Variants in HDAC9 observed in about 807,000 individuals in gnomAD.
HDAC9 encodes the protein MEF-2 interacting transcription repressor (MITR) protein.
HDAC9 carries 41 observed loss-of-function variants against 139.4 expected under a neutral mutation model. That is an observed-to-expected ratio of 0.29 (90% CI 0.23 to 0.38). The LOEUF is 0.38. Among genes scored for constraint, HDAC9 ranks in the 10% least tolerant of loss-of-function variants. The pLI, the probability that HDAC9 is intolerant of heterozygous loss-of-function variation, is 1.00. For missense variants in HDAC9, 1,147 were observed against 1,297.0 expected (o/e 0.88, Z 1.78); for synonymous variants, 517 against 476.2 (o/e 1.09, Z -1.12).
chr7:18,435,390 T>G (rs979615427), intron 1 of HDAC9, among the ~76,000 whole-genome samples: 2 of 152,094 alleles, frequency 1.3e-5, no homozygotes, highest in African/African-American at 4.8e-5. Context: ...CCTGCACATG[T>G]ACCCCGGAAC....
At chr7:18,523,927 A>G (rs1200106517) in intron 2 of HDAC9, among the ~76,000 whole-genome samples, 1 of 95,464 alleles carries the variant, frequency 1.0e-5, no homozygotes, top group South Asian at 3.8e-4. Flanking sequence ...CCTGCTTCCC[A>G]TTGCTTGTCT....
intron 12 of HDAC9, among the ~76,000 whole-genome samples, chr7:18,683,569 C>G (rs1345002675): frequency 6.6e-6 from 1 of 152,106 alleles, no homozygotes; most frequent in Non-Finnish European, 1.5e-5. Context: ...CTGTTATCCA[C>G]TGGGTTACTT....
At chr7:18,262,569 T>C (rs1311534325) in intron 2 of HDAC9, among the ~76,000 whole-genome samples, 1 of 152,166 alleles carries the variant, frequency 6.6e-6, no homozygotes, top group East Asian at 1.9e-4. Context: ...GGTAACTGCA[T>C]AGGTAAATAT....
chr7:18,584,539 T>A (rs998357796), intron 2 of HDAC9, among the ~76,000 whole-genome samples: 1 of 152,250 alleles, frequency 6.6e-6, no homozygotes, highest in African/African-American at 2.4e-5. Flanking sequence ...TCTCAGATCA[T>A]CAAATCTTTT....
intron 2 of HDAC9, among the ~76,000 whole-genome samples, chr7:18,247,810 G>C (rs1794652711): frequency 6.6e-6 from 1 of 152,078 alleles, no homozygotes. Context: ...GATAAGGAGA[G>C]AAAAGAAACA....
intron 1 of HDAC9, among the ~76,000 whole-genome samples, chr7:18,108,562 G>C (rs988149154): frequency 6.7e-6 from 1 of 148,858 alleles, no homozygotes; most frequent in African/African-American, 2.5e-5. Context: ...AAATGAGATC[G>C]TATTCCTGAA....
intron 21 of HDAC9, among the ~76,000 whole-genome samples, chr7:18,859,043 A>G (rs1797896666): frequency 6.6e-6 from 1 of 152,196 alleles, no homozygotes; most frequent in South Asian, 2.1e-4. Flanking sequence ...ATTCAGACAG[A>G]TATGAGTTTG....
intron 21 of HDAC9, among the ~76,000 whole-genome samples, chr7:18,837,990 G>T (rs532695633): frequency 6.6e-6 from 1 of 152,112 alleles, no homozygotes; most frequent in South Asian, 2.1e-4. Flanking sequence ...GCATTATCTA[G>T]CTAGGATGCA....
chr7:18,583,771 G>A (rs1828565379), intron 2 of HDAC9, among the ~76,000 whole-genome samples: 1 of 152,018 alleles, frequency 6.6e-6, no homozygotes, highest in Non-Finnish European at 1.5e-5. Flanking sequence ...AAATCTTTCA[G>A]TTTAATTTTC....
intron 13 of HDAC9, among the ~76,000 whole-genome samples, chr7:18,734,234 A>G (rs902727508): frequency 6.6e-6 from 1 of 152,078 alleles, no homozygotes; most frequent in Admixed American, 6.6e-5. Flanking sequence ...GTGATCAGTG[A>G]TCTTTTTCAT....
In HDAC9 at chr7:18,679,503, T is replaced by C. The variant is rs376547367; in HGVS notation, c.1731+13027T>C. Among the ~76,000 whole-genome samples the C allele has an allele frequency of 4.0e-5, 6 of 151,780 alleles. No homozygotes were observed. In the East Asian group the frequency reaches 9.7e-4, roughly 25 times the overall value. On this transcript the variant is annotated intron_variant, in intron 12 of 25. Transcript: ENST00000686413. ...CCCTCTCTCCCTTTCTTTTCTTTTC[T>C]TTCTTTTCTTTCCTTTCTTTCTTTC...
intron 2 of HDAC9, among the ~76,000 whole-genome samples, chr7:18,570,495 C>G (rs1381389814): frequency 6.6e-6 from 1 of 152,146 alleles, no homozygotes; most frequent in Non-Finnish European, 1.5e-5. Flanking sequence ...TCAGTCTCAT[C>G]TGTATCAAGG....
chr7:18,555,745 T>G (rs1198434386), intron 2 of HDAC9, among the ~76,000 whole-genome samples: 1 of 152,092 alleles, frequency 6.6e-6, no homozygotes, highest in Admixed American at 6.5e-5. Flanking sequence ...AAACGATATT[T>G]TTAAAAAACA....
chr7:18,781,884 C>T (rs1049803778), intron 16 of HDAC9, among the ~76,000 whole-genome samples: 4 of 152,062 alleles, frequency 2.6e-5, no homozygotes, highest in Non-Finnish European at 5.9e-5. Context: ...AATATTTGGT[C>T]CACAGTAGAT....
chr7:18,645,069 TA>T (rs1786949410), intron 9 of HDAC9, among the ~76,000 whole-genome samples: 1 of 152,122 alleles, frequency 6.6e-6, no homozygotes, highest in African/African-American at 2.4e-5. Flanking sequence ...TATATTATTT[TA>T]ATAGCTCCAC....
chr7:18,679,325 G>T (rs1050657598), intron 12 of HDAC9, among the ~76,000 whole-genome samples: 8 of 151,928 alleles, frequency 5.3e-5, no homozygotes, highest in Admixed American at 4.6e-4. Flanking sequence ...AACACAGACT[G>T]AATGGACATT....
intron 2 of HDAC9, among the ~76,000 whole-genome samples, chr7:18,525,867 T>C (rs895399476): frequency 1.3e-5 from 2 of 152,294 alleles, no homozygotes; most frequent in Non-Finnish European, 2.9e-5. Context: ...CATGTTTCAC[T>C]TACTTTCTGC....
chr7:18,435,121 A>G (rs987491173), intron 1 of HDAC9, among the ~76,000 whole-genome samples: 2 of 150,642 alleles, frequency 1.3e-5, no homozygotes, highest in Non-Finnish European at 3.0e-5. Flanking sequence ...GGATGGAGCT[A>G]GAGGCCATTA....
At chr7:18,561,249 C>A (rs78862261) in intron 2 of HDAC9, among the ~76,000 whole-genome samples, 1 of 152,098 alleles carries the variant, frequency 6.6e-6, no homozygotes, top group Non-Finnish European at 1.5e-5. Flanking sequence ...GTAACCTGAA[C>A]GGCTAGAGTG....
Sources: gnomAD v4.1 joint callset for allele counts (sites outside exome capture counted in the v4.1 genomes callset) on GRCh38, gnomAD v4.1.1 for gene constraint, MANE v1.5 for transcripts, NCBI Gene and HGNC (gene_info 2026-07-23, HGNC 2026-07-21) for gene names.